Variants in CDH23 observed in about 807,000 individuals in gnomAD.
CDH23 encodes cadherin related 23.
CDH23 carries 189 observed loss-of-function variants against 317.1 expected under a neutral mutation model. The ratio of observed to expected loss-of-function variants is 0.60; its 90% CI spans 0.53 to 0.67. The LOEUF is 0.67. Among genes scored for constraint, CDH23 ranks in the 30% least tolerant of loss-of-function variants. The probability of loss-of-function intolerance (pLI) is 0.00; values close to 1 mark genes in which losing one functional copy is unlikely to be tolerated. For missense variants in CDH23, 4,401 were observed against 4,592.4 expected (o/e 0.96, Z 1.20); for synonymous variants, 1,839 against 1,876.8 (o/e 0.98, Z 0.52).
At chr10:71,438,637 G>A (rs568254568) in intron 1 of CDH23, among the ~76,000 whole-genome samples, 2 of 152,284 alleles carry the variant, frequency 1.3e-5, no homozygotes, top group African/African-American at 4.8e-5. Flanking sequence ...TATCTTGGCA[G>A]AGATGTGGAA....
intron 6 of CDH23, among the ~76,000 whole-genome samples, chr10:71,525,475 A>G (rs4747161): frequency 0.79 from 120,881 of 152,132 alleles, 48,245 homozygotes; most frequent in South Asian, 0.91. Context: ...AACAGTGGGA[A>G]GCTGGTGGTT....
rs1841215472 is a variant in CDH23, at chr10:71,790,399, T to C, written c.6035T>C (p.Ile2012Thr). ...LLGAQSGLFD[I>T]NSSTGVVTVR... Reference sequence around the variant, plus strand: ...GGTGCCCAGAGTGGCCTCTTTGACATCAACAGCAGCACCGGTGAGGCCTCT... The same window carrying C: ...GGTGCCCAGAGTGGCCTCTTTGACACCAACAGCAGCACCGGTGAGGCCTCT... Residue 2012 changes from isoleucine (I) to threonine (T), a missense_variant, in exon 46 of 70, where the codon ATC becomes ACC. Ile to Thr is a moderately conservative substitution (Grantham distance 89). Coordinates refer to ENST00000224721, the MANE Select transcript of CDH23 (RefSeq NM_022124.6). 3 of 1,613,054 alleles carry C rather than the reference T, an allele frequency of 1.9e-6. No individual in the cohort carries two copies. Among genetic ancestry groups the C allele is most frequent in the Non-Finnish European group, 2.5e-6 (3 of 1,179,760 alleles).
At chr10:71,774,343 G>A (rs1158428107) in intron 38 of CDH23, among the ~76,000 whole-genome samples, 1 of 152,094 alleles carries the variant, frequency 6.6e-6, no homozygotes, top group East Asian at 1.9e-4. Flanking sequence ...GGCACCACTG[G>A]AATGTCTCTC....
chr10:71,679,669 C>G (rs1048166868), intron 17 of CDH23, among the ~76,000 whole-genome samples, 177 bp downstream of exon 17: 1 of 152,324 alleles, frequency 6.6e-6, no homozygotes, highest in Non-Finnish European at 1.5e-5. Flanking sequence ...GTCGCCCTTC[C>G]GTAGGGTCAA....
chr10:71,783,844 C>G (rs1841023214), intron 41 of CDH23, among the ~76,000 whole-genome samples: 1 of 152,224 alleles, frequency 6.6e-6, no homozygotes, highest in Admixed American at 6.5e-5. Flanking sequence ...CTCTGCCCTT[C>G]CCAATATCCT....
chr10:71,755,507 C>T (rs771008959), intron 38 of CDH23: 2 of 1,550,332 alleles, frequency 1.3e-6, no homozygotes, highest in African/African-American at 2.7e-5. Context: ...GCCCCATTCC[C>T]ATTGCTCCTC....
intron 28 of CDH23, chr10:71,715,082 G>A (rs1177776118): frequency 2.0e-5 from 3 of 152,236 alleles, no homozygotes; most frequent in Non-Finnish European, 2.9e-5. Context: ...TCCCACCCTC[G>A]GGGAGGCTGC....
intron 6 of CDH23, among the ~76,000 whole-genome samples, chr10:71,531,477 A>G (rs1473468360): frequency 6.6e-6 from 1 of 152,200 alleles, no homozygotes; most frequent in Non-Finnish European, 1.5e-5. Context: ...AAATATATGC[A>G]GTTGAAATGT....
chr10:71,776,413 C>A (rs1027426995), intron 38 of CDH23, among the ~76,000 whole-genome samples: 1 of 152,208 alleles, frequency 6.6e-6, no homozygotes, highest in Non-Finnish European at 1.5e-5. Context: ...GTTCTCTGGC[C>A]TGGCAATGGC....
chr10:71,489,594 GGT>G (rs34392048), intron 3 of CDH23, among the ~76,000 whole-genome samples: 10,074 of 139,746 alleles, frequency 0.072, 340 homozygotes, highest in Middle Eastern at 0.13. Flanking sequence ...AGTGCCTCGG[GGT>G]GTGTGTGTGT....
chr10:71,791,443 A>G, intron 47 of CDH23, 108 bp downstream of exon 47: 1 of 920,706 alleles, frequency 1.1e-6, no homozygotes, highest in South Asian at 1.5e-5. Context: ...GGGGAGAAAG[A>G]TGGGCAGCAG....
At chr10:71,786,710 C>T (rs1181725131) in intron 44 of CDH23, among the ~76,000 whole-genome samples, 1 of 152,024 alleles carries the variant, frequency 6.6e-6, no homozygotes, top group Admixed American at 6.6e-5. Context: ...GTTGGCGAGG[C>T]TTGTCTCAAA....
In CDH23 at chr10:71,695,428, C is replaced by T. The variant is rs753331543; in HGVS notation, c.2300C>T (p.Thr767Ile). 6 of 1,611,422 alleles carry T rather than the reference C, an allele frequency of 3.7e-6. No homozygotes were observed. The highest frequency in any genetic ancestry group is 2.7e-5 in the African/African-American group (2 of 74,894). The change falls in exon 22 of 70, where the codon ACC becomes ATC. Residue 767 changes from threonine (T) to isoleucine (I), a missense_variant. By Grantham distance (89) the Thr-to-Ile change is moderately conservative (BLOSUM62 -1). Transcript: ENST00000224721. ...QKTGIATVNI[T>I]LLDINDNHPT... is the part of the protein sequence containing the mutation. Reference sequence around the variant, plus strand: ...CTTATGGCTTCACAGGTAAACATCACCCTCCTGGACATCAATGACAACCAC... The same window carrying T: ...CTTATGGCTTCACAGGTAAACATCATCCTCCTGGACATCAATGACAACCAC...
intron 6 of CDH23, among the ~76,000 whole-genome samples, chr10:71,564,258 GC>G (rs944155366): frequency 6.6e-6 from 1 of 152,146 alleles, no homozygotes; most frequent in African/African-American, 2.4e-5. Flanking sequence ...GTTCAGACAA[GC>G]CCCCAGTGTA....
chr10:71,468,492 TC>T (rs1851359519), intron 3 of CDH23, among the ~76,000 whole-genome samples: 1 of 152,128 alleles, frequency 6.6e-6, no homozygotes, highest in African/African-American at 2.4e-5. Context: ...GGATGCTTGG[TC>T]CCCTAAAAAG....
Position 71,784,907 on chromosome 10 carries a change from G to A in CDH23, c.5519G>A (p.Arg1840Gln), listed in dbSNP as rs375083901. Residue 1840 changes from arginine to glutamine, a missense_variant, in exon 43 of 70, where the codon CGG (arginine) becomes CAG (glutamine). This residue lies in a region of CDH23 where 3,068 missense variants were observed against 3,203.3 expected (regional missense o/e 0.96). Coordinates refer to ENST00000224721, the MANE Select transcript of CDH23 (RefSeq NM_022124.6). ...PLSSTMLVGIRVLDINDNDPV... is the reference protein window; with the variant it reads ...PLSSTMLVGIQVLDINDNDPV... ...CTGGCCCAGATGCTGGTGGGGATCC[G>A]GGTGCTGGACATCAACGACAACGAC... 28 of 1,613,750 alleles carry A rather than the reference G, an allele frequency of 1.7e-5. No individual in the cohort carries two copies. Among genetic ancestry groups the A allele is most frequent in the Admixed American group, 6.7e-5 (4 of 60,000 alleles).
At chr10:71,546,993 AG>A (rs1359161078) in intron 6 of CDH23, among the ~76,000 whole-genome samples, 2 of 152,260 alleles carry the variant, frequency 1.3e-5, no homozygotes, top group African/African-American at 4.8e-5. Flanking sequence ...ACGGGTGGCC[AG>A]GGTGTCATTC....
intron 38 of CDH23, chr10:71,753,918 C>A: frequency 2.2e-6 from 1 of 456,022 alleles, no homozygotes; most frequent in East Asian, 7.0e-5. Flanking sequence ...CTCATCTCAT[C>A]CTCTGTGCCA....
At chr10:71,519,149 A>G (rs920883104) in intron 6 of CDH23, among the ~76,000 whole-genome samples, 8 of 152,222 alleles carry the variant, frequency 5.3e-5, no homozygotes, top group Non-Finnish European at 1.2e-4. Flanking sequence ...ACCCTCTGCC[A>G]TGAATACGAA....
Sources: gnomAD v4.1 joint callset for allele counts (sites outside exome capture counted in the v4.1 genomes callset) on GRCh38, gnomAD v4.1.1 for gene constraint, gnomAD v4.1.1 regional missense constraint, MANE v1.5 for transcripts, NCBI Gene and HGNC (gene_info 2026-07-23, HGNC 2026-07-21) for gene names.